The following CLTCL1 variants were observed in gnomAD, a reference collection of about 807,000 sequenced individuals.
CLTCL1 encodes the protein clathrin heavy chain like 1.
A neutral mutation model predicts 190.0 loss-of-function variants in CLTCL1; 159 were observed. The ratio of observed to expected loss-of-function variants is 0.84; its 90% CI spans 0.74 to 0.95. The LOEUF is 0.95. Ranked by LOEUF, CLTCL1 falls within the 40% of genes least tolerant of loss-of-function variation. CLTCL1 has a pLI of 0.00. For synonymous variants in CLTCL1, 752 were observed against 769.6 expected (o/e 0.98, Z 0.38); for missense variants, 1,878 against 2,033.4 (o/e 0.92, Z 1.47).
At chr22:19,233,393 G>A (rs782079282) in intron 8 of CLTCL1, 29 bp downstream of exon 8, 8 of 1,613,092 alleles carry the variant, frequency 5.0e-6, no homozygotes, top group African/African-American at 1.3e-5. Flanking sequence ...AGCTGTGCGG[G>A]GGGGCTACGA....
rs782171761 is a variant in CLTCL1, at chr22:19,210,449, C to T, written c.3126G>A (p.Glu1042=). 2.5e-6 allele frequency: 4 copies of T among 1,613,990 alleles called. No homozygotes were observed. Among genetic ancestry groups the T allele is most frequent in the Non-Finnish European group, 3.4e-6 (4 of 1,179,886 alleles). Residue 1042 remains glutamate, a synonymous_variant, in exon 20 of 33, where the codon GAG becomes GAA. Coordinates refer to ENST00000427926, the MANE Select transcript of CLTCL1 (RefSeq NM_007098.4). The part of the protein sequence containing the change: ...AIKADRTRVM[E]YISRLDNYDA... ...CATAGTTGTCCAGGCGGCTGATGTA[C>T]TCCATGACCCGTGTGCGGTCTGCCT...
intron 10 of CLTCL1, 40 bp downstream of exon 10, chr22:19,232,436 A>G (rs1555959481): frequency 6.2e-7 from 1 of 1,612,606 alleles, no homozygotes; most frequent in East Asian, 2.2e-5. Flanking sequence ...AGATGGCTCT[A>G]AAAAGCCACA....
At chr22:19,182,967 G>A (rs1555926462) in intron 30 of CLTCL1, 1 of 242,612 alleles carries the variant, frequency 4.1e-6, no homozygotes, top group Non-Finnish European at 8.2e-6. Flanking sequence ...TATGTGTTCA[G>A]CAAAAGGCAG....
intron 26 of CLTCL1, among the ~76,000 whole-genome samples, chr22:19,195,430 C>A (rs1473086876): frequency 3.3e-5 from 5 of 152,212 alleles, no homozygotes; most frequent in African/African-American, 1.2e-4. Flanking sequence ...CCTCACCTGG[C>A]AGCACACGTG....
chr22:19,229,831 C>A lies in CLTCL1; in HGVS notation c.1782+7G>T. The A allele has an allele frequency of 3.8e-6, 6 of 1,598,212 alleles. No homozygotes were observed. The highest frequency in any genetic ancestry group is 5.1e-6 in the Non-Finnish European group (6 of 1,174,262). On this transcript the variant is annotated splice_region_variant and intron_variant, in intron 11 of 32. Coordinates refer to ENST00000427926, the MANE Select transcript of CLTCL1 (RefSeq NM_007098.4). ...TGCCTCTCGGTGTTAGCCTACAAGTCACTGACCTGGGGTGCATGAACAAGG... is the reference window on the plus strand; with the variant it reads ...TGCCTCTCGGTGTTAGCCTACAAGTAACTGACCTGGGGTGCATGAACAAGG...
At chr22:19,212,985 T>C (rs1191654764) in intron 19 of CLTCL1, among the ~76,000 whole-genome samples, 1 of 152,232 alleles carries the variant, frequency 6.6e-6, no homozygotes, top group Non-Finnish European at 1.5e-5. Context: ...AATTGGACTT[T>C]ATCAAAATTA....
At chr22:19,192,800 G>A (rs986245472) in intron 26 of CLTCL1, among the ~76,000 whole-genome samples, 3 of 152,178 alleles carry the variant, frequency 2.0e-5, no homozygotes, top group Non-Finnish European at 2.9e-5. Context: ...AGAGCAAAAC[G>A]GTGAACTGGC....
chr22:19,179,888 G>C lies in CLTCL1; in HGVS notation c.*102C>G. The stretch of plus-strand genomic sequence containing the variant: ...GTGACAACGCCCACTACACGCGGAA[G>C]TTGTACATTGGAGGCTGGCGAAGTT... On this transcript the variant is annotated 3_prime_UTR_variant, in exon 33 of 33. Transcript: ENST00000427926. 1 of 423,250 alleles carries C rather than the reference G, an allele frequency of 2.4e-6. No individual in the cohort carries two copies. The highest frequency in any genetic ancestry group is 3.1e-5 in the South Asian group (1 of 32,090). The allele number at this position is 423,250 out of a possible 1,614,324, so 26.2% of individuals were successfully genotyped here. A position where few individuals can be genotyped will look rare whatever the true frequency, so the allele number is the denominator to read the frequency against.
rs782635351 is a variant in CLTCL1, at chr22:19,235,851, C to T, written c.814G>A (p.Val272Ile). 4 of 1,613,662 alleles carry T rather than the reference C, an allele frequency of 2.5e-6. No individual in the cohort carries two copies. The highest frequency in any genetic ancestry group is 3.4e-6 in the Non-Finnish European group (4 of 1,179,758). Residue 272 changes from valine to isoleucine, a missense_variant, in exon 6 of 33, where the codon GTT becomes ATT. Transcript: ENST00000427926. Reference sequence around the variant, plus strand: ...CCATACTTTGTGATCAAGTAAATAACACCATGTTTAGCTCCAATCTATAAG... The same window carrying T: ...CCATACTTTGTGATCAAGTAAATAATACCATGTTTAGCTCCAATCTATAAG... ...VAMQIGAKHGVIYLITKYGYL... is the reference protein window; with the variant it reads ...VAMQIGAKHGIIYLITKYGYL...
chr22:19,249,978 G>A (rs905508539), intron 3 of CLTCL1: 2 of 366,024 alleles, frequency 5.5e-6, no homozygotes, highest in Non-Finnish European at 5.6e-6. Flanking sequence ...AATGGGCCGG[G>A]CGCGGTGGCT....
intron 1 of CLTCL1, among the ~76,000 whole-genome samples, chr22:19,276,786 C>CA (rs1364532942): frequency 5.3e-5 from 8 of 152,318 alleles, no homozygotes; most frequent in Admixed American, 2.6e-4. Flanking sequence ...TCTCCTGCCT[C>CA]AGCCTCCCAA....
intron 22 of CLTCL1, among the ~76,000 whole-genome samples, chr22:19,207,066 G>T (rs1459626543): frequency 7.4e-6 from 1 of 135,580 alleles, no homozygotes; most frequent in Non-Finnish European, 1.5e-5. Context: ...ACCCAGGCTG[G>T]AGTGTAGTGG....
In CLTCL1 at chr22:19,226,277, T is replaced by G; in HGVS notation, c.1889A>C (p.Tyr630Ser). ...AGLLQQALEH[Y>S]TDLYDIKRAV... ...CCTCTTGATGTCATAGAGGTCGGTG[T>G]AGTGCTCCAGTGCTTGCTGCAGGAG... The change falls in exon 12 of 33, where the codon TAC becomes TCC. Residue 630 changes from tyrosine to serine, a missense_variant. Transcript: ENST00000427926. 1 of 1,614,010 alleles carries G rather than the reference T, an allele frequency of 6.2e-7. No individual in the cohort carries two copies. Among genetic ancestry groups the G allele is most frequent in the Non-Finnish European group, 8.5e-7 (1 of 1,179,884 alleles).
rs782346845 is a variant in CLTCL1 at position 19,233,468 on chromosome 22, T to A, written c.1322A>T (p.Gln441Leu). 8 of 1,613,744 alleles carry A rather than the reference T, an allele frequency of 5.0e-6. No individual in the cohort carries two copies. The South Asian group carries it at 7.7e-5, about 16-fold the overall frequency. ...CTCTAGGAGTTGCTTACGCCCCTGC[T>A]GAAGAACCAGATGGCAAAGTTCTAA... ...ESLELCHLVLQQGRKQLLEKW... is the reference protein window; with the variant it reads ...ESLELCHLVLLQGRKQLLEKW... Residue 441 changes from glutamine (Q) to leucine (L), a missense_variant, in exon 8 of 33, where the codon CAG becomes CTG. Coordinates refer to ENST00000427926, the MANE Select transcript of CLTCL1 (RefSeq NM_007098.4).
chr22:19,246,220 C>A (rs183938077), intron 3 of CLTCL1, among the ~76,000 whole-genome samples: 2 of 151,702 alleles, frequency 1.3e-5, no homozygotes, highest in African/African-American at 4.8e-5. Flanking sequence ...CCACCATGCC[C>A]GGCTAGTTTT....
At chr22:19,204,709 G>A (rs1328872229) in intron 22 of CLTCL1, among the ~76,000 whole-genome samples, 10 of 152,182 alleles carry the variant, frequency 6.6e-5, no homozygotes, top group African/African-American at 2.2e-4. Context: ...TACAGGAAAC[G>A]CAGGGAAAAT....
At chr22:19,212,192 C>A (rs1555947156) in intron 19 of CLTCL1, among the ~76,000 whole-genome samples, 1 of 152,102 alleles carries the variant, frequency 6.6e-6, no homozygotes, top group Non-Finnish European at 1.5e-5. Flanking sequence ...TTTTCTTGTA[C>A]ATATAGACAA....
At chr22:19,233,050 G>T in intron 9 of CLTCL1, 116 bp downstream of exon 9, 1 of 1,087,948 alleles carries the variant, frequency 9.2e-7, no homozygotes, top group Non-Finnish European at 1.3e-6. Context: ...CAGCAACATT[G>T]CCAACTCTCA....
At chr22:19,200,768 G>A (rs2084857557) in intron 23 of CLTCL1, among the ~76,000 whole-genome samples, 1 of 152,146 alleles carries the variant, frequency 6.6e-6, no homozygotes, top group African/African-American at 2.4e-5. Context: ...TGTGAACCCG[G>A]GAGGCAGAGC....
Sources: allele counts gnomAD v4.1 joint callset (sites outside exome capture counted in the v4.1 genomes callset), GRCh38; gene constraint gnomAD v4.1.1; transcripts MANE v1.5; gene names NCBI Gene and HGNC (gene_info 2026-07-23, HGNC 2026-07-21).